PDCD6: variants seen among roughly 807,000 people sequenced by gnomAD.
PDCD6 encodes programmed cell death protein 6.
PDCD6 carries 12 observed loss-of-function variants against 28.3 expected under a neutral mutation model. That is an observed-to-expected ratio of 0.42 (90% CI 0.27 to 0.69). The LOEUF (loss-of-function observed/expected upper bound fraction) is 0.69, where lower values mean the gene tolerates loss of function less well. Among genes scored for constraint, PDCD6 ranks in the 30% least tolerant of loss-of-function variants. The pLI is 0.22. For synonymous variants in PDCD6, 92 were observed against 108.0 expected, an observed-to-expected ratio of 0.85 and a Z score of 0.92; for missense variants, 226 against 269.9, an observed-to-expected ratio of 0.84 and a Z score of 1.14.
At chr5:292,848 T>G (rs1398251439) in intron 2 of PDCD6, among the ~76,000 whole-genome samples, 1 of 152,180 alleles carries the variant, frequency 6.6e-6, no homozygotes. Flanking sequence ...TCTGCCATGG[T>G]TGGCTCAGCT....
In PDCD6 at chr5:311,379, A is replaced by T. The variant is rs1560865553; in HGVS notation, c.454A>T (p.Ile152Phe). The change falls in exon 5 of 6, where the codon ATC becomes TTC. Residue 152 changes from isoleucine (I) to phenylalanine (F), a missense_variant. By Grantham distance (21) the Ile-to-Phe change is conservative (BLOSUM62 0). Coordinates refer to ENST00000264933, the MANE Select transcript of PDCD6 (RefSeq NM_013232.4). ...GGGGCAGATTGCCTTCGACGACTTC[A>T]TCCAGGGCTGCATCGTCCTGCAGGT... ...GRGQIAFDDFIQGCIVLQRLT... is the reference protein window; with the variant it reads ...GRGQIAFDDFFQGCIVLQRLT... 6.2e-7 allele frequency: 1 copy of T among 1,613,710 alleles called. No homozygotes were observed. The highest frequency in any genetic ancestry group is 2.2e-5 in the East Asian group (1 of 44,882).
rs375248382 is a variant in PDCD6, at chr5:271,675, T to A, written c.-46T>A. Reference sequence around the variant, plus strand: ...GCGGAAGCGGAGTCGGCCTGAGAGGTCTCTCGTCGCTGCAGGCGCCTCAGC... The same window carrying A: ...GCGGAAGCGGAGTCGGCCTGAGAGGACTCTCGTCGCTGCAGGCGCCTCAGC... On this transcript the variant is annotated 5_prime_UTR_variant, in exon 1 of 6. Transcript: ENST00000264933. 8.6e-4 allele frequency: 967 copies of A among 1,129,786 alleles called. No individual in the cohort carries two copies. Among genetic ancestry groups the A allele is most frequent in the Non-Finnish European group, 1.1e-3 (883 of 779,358 alleles). The allele number at this position is 1,129,786 out of a possible 1,614,324, so 70.0% of individuals were successfully genotyped here.
At chr5:273,797 C>T (rs1402743106) in intron 2 of PDCD6, among the ~76,000 whole-genome samples, 2 of 152,064 alleles carry the variant, frequency 1.3e-5, no homozygotes, top group African/African-American at 4.8e-5. Context: ...TAATATGTGG[C>T]GTGTGGGCCA....
intron 2 of PDCD6, among the ~76,000 whole-genome samples, chr5:292,822 A>G (rs190171402): frequency 6.6e-6 from 1 of 152,108 alleles, no homozygotes; most frequent in African/African-American, 2.4e-5. Flanking sequence ...GAACCATGGG[A>G]TCTCCCTTAT....
intron 2 of PDCD6, among the ~76,000 whole-genome samples, chr5:292,157 A>G (rs1739351473): frequency 6.6e-6 from 1 of 152,074 alleles, no homozygotes; most frequent in South Asian, 2.1e-4. Context: ...TCATGTTTTC[A>G]TTAGCCATTC....
chr5:282,146 C>T (rs1738609805), intron 2 of PDCD6, among the ~76,000 whole-genome samples: 1 of 143,708 alleles, frequency 7.0e-6, no homozygotes, highest in African/African-American at 2.6e-5. Context: ...AGGAGCTGAT[C>T]TTATAGATTG....
chr5:278,161 T>G (rs1009250550), intron 2 of PDCD6, among the ~76,000 whole-genome samples: 2 of 152,110 alleles, frequency 1.3e-5, no homozygotes, highest in Non-Finnish European at 1.5e-5. Context: ...AGGCTAAAGG[T>G]CTTTGGCTTT....
intron 2 of PDCD6, among the ~76,000 whole-genome samples, chr5:284,706 A>G (rs1259270531): frequency 5.2e-5 from 6 of 114,690 alleles, no homozygotes; most frequent in East Asian, 2.3e-4. Context: ...GAGACCCAGG[A>G]GGGAGCTGAT....
chr5:278,726 G>A (rs1561030878), intron 2 of PDCD6, among the ~76,000 whole-genome samples: 1 of 150,372 alleles, frequency 6.7e-6, no homozygotes, highest in African/African-American at 2.5e-5. Context: ...TAAAACAAAA[G>A]GAAAGAAAGA....
At chr5:288,808 T>C (rs1739146956) in intron 2 of PDCD6, 8 of 1,204,226 alleles carry the variant, frequency 6.6e-6, no homozygotes, top group Non-Finnish European at 4.5e-6. Flanking sequence ...GTATGTAAAA[T>C]ACTGCATCTA....
intron 2 of PDCD6, among the ~76,000 whole-genome samples, chr5:297,085 G>T (rs1344365379): frequency 1.3e-5 from 2 of 152,208 alleles, no homozygotes; most frequent in African/African-American, 4.8e-5. Context: ...GTGCCGGGCA[G>T]TCGCAGGCCT....
Position 271,670 on chromosome 5 carries a change from A to C in PDCD6, c.-51A>C. ...CAGAGGCGGAAGCGGAGTCGGCCTG[A>C]GAGGTCTCTCGTCGCTGCAGGCGCC... is the stretch of plus-strand genomic sequence containing the variant. On this transcript the variant is annotated 5_prime_UTR_variant, in exon 1 of 6. Transcript: ENST00000264933. The C allele has an allele frequency of 9.3e-7, 1 of 1,076,754 alleles. No homozygotes were observed. Among genetic ancestry groups the C allele is most frequent in the Non-Finnish European group, 1.4e-6 (1 of 730,410 alleles). 66.7% of individuals were successfully genotyped at this position (1,076,754 alleles called of 1,614,324 possible). A position where few individuals can be genotyped will look rare whatever the true frequency, so the allele number is the denominator to read the frequency against.
At chr5:310,933 C>T (rs1337073163) in intron 4 of PDCD6, 1 of 230,382 alleles carries the variant, frequency 4.3e-6, no homozygotes, top group Non-Finnish European at 8.4e-6. Flanking sequence ...TTGAAAGTAA[C>T]TCCACTGGGT....
intron 5 of PDCD6, 135 bp from the exon 6 acceptor site, chr5:314,282 C>T (rs546103572): frequency 3.2e-6 from 2 of 633,998 alleles, no homozygotes; most frequent in East Asian, 2.6e-5. Context: ...CCACCTGCGC[C>T]TCCCTGTGCT....
rs779365929 is a variant in PDCD6, at chr5:311,369, C to T, written c.444C>T (p.Phe148=). The T allele has an allele frequency of 2.5e-5, 41 of 1,613,794 alleles. No individual in the cohort carries two copies. Among genetic ancestry groups the T allele is most frequent in the East Asian group, 2.0e-4 (9 of 44,892 alleles). Residue 148 remains phenylalanine (F), a synonymous_variant, in exon 5 of 6, where the codon TTC becomes TTT. Coordinates refer to ENST00000264933, the MANE Select transcript of PDCD6 (RefSeq NM_013232.4). ...FDRQGRGQIA[F]DDFIQGCIVL... is the part of the protein sequence containing the mutation. ...GGCAGGGACGGGGGCAGATTGCCTT[C>T]GACGACTTCATCCAGGGCTGCATCG... is the stretch of plus-strand genomic sequence containing the variant.
At chr5:274,726 G>T (rs558423852) in intron 2 of PDCD6, among the ~76,000 whole-genome samples, 105 of 152,034 alleles carry the variant, frequency 6.9e-4, no homozygotes, top group African/African-American at 1.9e-3. Flanking sequence ...TTGTTTGGGG[G>T]TGGGGGAGAC....
intron 3 of PDCD6, chr5:306,108 T>C (rs1740463255): frequency 6.0e-6 from 1 of 165,848 alleles, no homozygotes; most frequent in South Asian, 1.6e-4. Flanking sequence ...TGTTTCTAAT[T>C]AAAGCAGGTT....
At chr5:314,337 G>T in intron 5 of PDCD6, 80 bp from the exon 6 acceptor site, 2 of 945,896 alleles carry the variant, frequency 2.1e-6, no homozygotes, top group South Asian at 1.4e-5. Flanking sequence ...TTCTGAAATT[G>T]GGTCCCTACA....
At chr5:311,259 C>A in intron 4 of PDCD6, 34 bp from the exon 5 acceptor site, 1 of 1,544,164 alleles carries the variant, frequency 6.5e-7, no homozygotes, top group Non-Finnish European at 9.0e-7. Flanking sequence ...CCGTCTCTCC[C>A]AGCCTTCTCT....
Sources: gnomAD v4.1 joint callset for allele counts (sites outside exome capture counted in the v4.1 genomes callset) on GRCh38, gnomAD v4.1.1 for gene constraint, MANE v1.5 for transcripts, NCBI Gene and HGNC (gene_info 2026-07-23, HGNC 2026-07-21) for gene names.